Variants in ARHGAP28 observed in about 807,000 individuals in gnomAD.
The protein encoded by ARHGAP28 is rho GTPase-activating protein 28.
In ARHGAP28, 56 loss-of-function variants were observed where a neutral mutation model predicts 90.7. That is an observed-to-expected ratio of 0.62 (90% confidence interval 0.50 to 0.77). ARHGAP28 has a LOEUF of 0.77. Ranked by LOEUF, ARHGAP28 falls within the 30% of genes least tolerant of loss-of-function variation. The pLI is 0.00. For synonymous variants in ARHGAP28, 308 were observed against 323.3 expected (o/e 0.95, Z 0.51); for missense variants, 869 against 900.9 (o/e 0.96, Z 0.45).
chr18:6,875,221 T>G (rs2057121857), intron 9 of ARHGAP28, among the ~76,000 whole-genome samples: 2 of 152,222 alleles, frequency 1.3e-5, no homozygotes, highest in Admixed American at 6.5e-5. Context: ...ATTGGCAACA[T>G]GTTAGCTGTT....
intron 4 of ARHGAP28, among the ~76,000 whole-genome samples, chr18:6,854,317 TCTCTGCAAC>T (rs147221578): frequency 1.1e-3 from 162 of 152,288 alleles, no homozygotes; most frequent in Non-Finnish European, 2.0e-3. Flanking sequence ...GTGTTTGTTC[TCTCTGCAAC>T]TTTTTAAATT....
At chr18:6,860,041 A>G (rs1366033163) in intron 5 of ARHGAP28, 144 bp downstream of exon 5, 1 of 690,668 alleles carries the variant, frequency 1.4e-6, no homozygotes, top group African/African-American at 1.8e-5. Flanking sequence ...AGCTGCTGGT[A>G]GAACTACTAA....
chr18:6,886,903 A>T (rs1282764283), intron 11 of ARHGAP28, among the ~76,000 whole-genome samples: 1 of 152,198 alleles, frequency 6.6e-6, no homozygotes, highest in Admixed American at 6.5e-5. Flanking sequence ...GGGAAGTGCT[A>T]TCCAAATCCA....
intron 3 of ARHGAP28, among the ~76,000 whole-genome samples, chr18:6,840,643 G>A (rs1339023926): frequency 2.0e-5 from 3 of 152,074 alleles, no homozygotes; most frequent in Non-Finnish European, 4.4e-5. Context: ...AATGGCCCAG[G>A]GTTCTTCCTT....
chr18:6,852,887 G>A (rs2056921392), intron 4 of ARHGAP28, among the ~76,000 whole-genome samples: 1 of 152,220 alleles, frequency 6.6e-6, no homozygotes, highest in African/African-American at 2.4e-5. Context: ...GTCTCACTGA[G>A]CTGGGGCTTG....
At chr18:6,910,801 A>G (rs1338829945) in intron 17 of ARHGAP28, among the ~76,000 whole-genome samples, 1 of 150,818 alleles carries the variant, frequency 6.6e-6, no homozygotes, top group Non-Finnish European at 1.5e-5. Context: ...GCAACCTAGC[A>G]CTCACACAGC....
chr18:6,828,618 T>C (rs1191853807), intron 2 of ARHGAP28, among the ~76,000 whole-genome samples: 3 of 152,192 alleles, frequency 2.0e-5, no homozygotes, highest in Non-Finnish European at 4.4e-5. Flanking sequence ...AAGGTAAGGG[T>C]CTAGTTTCAT....
intron 1 of ARHGAP28, chr18:6,779,116 T>G (rs1406882365): frequency 6.6e-6 from 1 of 152,196 alleles, no homozygotes; most frequent in Non-Finnish European, 1.5e-5. Flanking sequence ...AGTGTTTCCT[T>G]TAATGTCAAT....
chr18:6,888,852 G>A (rs1240014173), intron 12 of ARHGAP28, among the ~76,000 whole-genome samples: 1 of 152,058 alleles, frequency 6.6e-6, no homozygotes, highest in Non-Finnish European at 1.5e-5. Flanking sequence ...AATTGTGACT[G>A]GAGCTAGGAT....
chr18:6,874,784 G>A (rs924279559), intron 9 of ARHGAP28: 3 of 152,026 alleles, frequency 2.0e-5, no homozygotes, highest in Non-Finnish European at 4.4e-5. Context: ...TGTACACACG[G>A]GCCCTCTGTG....
At chr18:6,874,340 A>G (rs971923671) in intron 9 of ARHGAP28, among the ~76,000 whole-genome samples, 13 of 152,226 alleles carry the variant, frequency 8.5e-5, no homozygotes, top group Admixed American at 1.3e-4. Context: ...TTAGACAAAA[A>G]GAATAATTTT....
intron 1 of ARHGAP28, among the ~76,000 whole-genome samples, chr18:6,803,845 C>T (rs1299350107): frequency 1.3e-5 from 2 of 152,044 alleles, no homozygotes; most frequent in Non-Finnish European, 2.9e-5. Flanking sequence ...GTGGCGCGAT[C>T]TTGGCTCACC....
At chr18:6,903,720 ACTCGGAGG>A (rs1402707278) in intron 16 of ARHGAP28, among the ~76,000 whole-genome samples, 1 of 150,252 alleles carries the variant, frequency 6.7e-6, no homozygotes, top group African/African-American at 2.5e-5. Flanking sequence ...AATCCCAGCT[ACTCGGAGG>A]CTGAGGCAGA....
In ARHGAP28 at chr18:6,743,012, G is replaced by A. The variant is rs117071390; in HGVS notation, c.122+13069G>A. 9.9e-4 allele frequency among the ~76,000 whole-genome samples: 151 copies of A among 152,234 alleles called. 3 individuals carry two copies. The East Asian group carries it at 0.025, about 25-fold the overall frequency. ...ATTGTGGGTTTAATAGAGTTGTAGA[G>A]GTGGGAGCCACTTTGCTGCAGGTTG... On this transcript the variant is annotated intron_variant, in intron 1 of 17. Transcript: ENST00000383472.
chr18:6,892,893 C>T (rs960938585), intron 14 of ARHGAP28, among the ~76,000 whole-genome samples: 1 of 152,228 alleles, frequency 6.6e-6, no homozygotes, highest in African/African-American at 2.4e-5. Context: ...TCTAATTCTG[C>T]CTGAGTCCTC....
intron 1 of ARHGAP28, among the ~76,000 whole-genome samples, chr18:6,796,967 TG>T (rs1210879777): frequency 8.5e-5 from 13 of 152,112 alleles, no homozygotes; most frequent in African/African-American, 2.9e-4. Flanking sequence ...GTCTGTAAAC[TG>T]GGGATGGCAA....
intron 3 of ARHGAP28, among the ~76,000 whole-genome samples, chr18:6,838,882 A>C (rs9954508): frequency 0.018 from 2,750 of 152,336 alleles, 81 homozygotes; most frequent in African/African-American, 0.062. Context: ...CATTAGCTAC[A>C]GGTGTCCTGA....
chr18:6,863,936 C>G lies in ARHGAP28; in HGVS notation c.726+4039C>G, dbSNP rs113458433. ...TAGCTGGGATTACAGATGCCCGCCACCACACCCAGCTAATTTTTTTGTATT... is the reference window on the plus strand; with the variant it reads ...TAGCTGGGATTACAGATGCCCGCCAGCACACCCAGCTAATTTTTTTGTATT... On this transcript the variant is annotated intron_variant, in intron 5 of 17. Coordinates refer to ENST00000383472, the MANE Select transcript of ARHGAP28 (RefSeq NM_001366230.1). 6.6e-4 allele frequency among the ~76,000 whole-genome samples: 101 copies of G among 152,162 alleles called. No individual in the cohort carries two copies. In the Middle Eastern group the frequency reaches 0.017, roughly 26 times the overall value.
At chr18:6,802,199 A>G (rs927415949) in intron 1 of ARHGAP28, among the ~76,000 whole-genome samples, 6 of 152,070 alleles carry the variant, frequency 3.9e-5, no homozygotes. Flanking sequence ...TATTTTGGCT[A>G]TTGTGCTACA....
Sources: gnomAD v4.1 joint callset for allele counts (sites outside exome capture counted in the v4.1 genomes callset) on GRCh38, gnomAD v4.1.1 for gene constraint, MANE v1.5 for transcripts, NCBI Gene and HGNC (gene_info 2026-07-23, HGNC 2026-07-21) for gene names.